Variants in PSG7 observed in about 807,000 individuals in gnomAD.
The protein encoded by PSG7 is pregnancy-specific beta-1-glycoprotein 7.
In PSG7, 57 loss-of-function variants were observed where a neutral mutation model predicts 45.6. The observed-to-expected ratio is 1.25, with a 90% confidence interval of 1.01 to 1.56. The LOEUF (loss-of-function observed/expected upper bound fraction) is 1.56, where lower values mean the gene tolerates loss of function less well. Ranked by LOEUF, PSG7 falls within the 40% of genes most tolerant of loss-of-function variation. PSG7 has a pLI of 0.00. For missense variants in PSG7, 796 were observed against 508.4 expected (o/e 1.57, Z -5.44); for synonymous variants, 298 against 194.4 (o/e 1.53, Z -4.43).
At chr19:42,936,872 C>T in intron 1 of PSG7, 141 bp downstream of exon 1, 1 of 1,310,654 alleles carries the variant, frequency 7.6e-7, no homozygotes, top group Non-Finnish European at 1.1e-6. Flanking sequence ...TGATCTTGAA[C>T]TCCTGATCTC....
intron 2 of PSG7, among the ~76,000 whole-genome samples, chr19:42,933,116 T>G (rs1035421112): frequency 1.3e-5 from 2 of 148,542 alleles, no homozygotes; most frequent in African/African-American, 5.0e-5. Context: ...GCAGTACTCA[T>G]TTTTTAGTCC....
intron 2 of PSG7, among the ~76,000 whole-genome samples, chr19:42,934,083 C>T (rs561484986): frequency 1.9e-4 from 29 of 151,492 alleles, no homozygotes; most frequent in African/African-American, 3.4e-4. Flanking sequence ...TGTGCTGGTG[C>T]AGGGTGTGAG....
intron 5 of PSG7, chr19:42,925,282 T>A (rs1287075680): frequency 1.9e-5 from 6 of 309,360 alleles, no homozygotes; most frequent in Admixed American, 9.8e-5. Context: ...GTTACTCTGT[T>A]TGTGCAAATA....
Position 42,935,541 on chromosome 19 carries a change from C to T in PSG7, c.293G>A (p.Arg98Gln). 1 of 1,612,110 alleles carries T rather than the reference C, an allele frequency of 6.2e-7. No individual in the cohort carries two copies. Among genetic ancestry groups the T allele is most frequent in the Non-Finnish European group, 8.5e-7 (1 of 1,179,040 alleles). Residue 98 changes from arginine to glutamine, a missense_variant, in exon 2 of 6, where the codon CGA (arginine) becomes CAA (glutamine). Transcript: ENST00000406070. Reference sequence around the variant, plus strand: ...GGATGCATTGGAATATACTGTTTCTCGTCCACTGTATGCAGGCCCATATTT... The same window carrying T: ...GGATGCATTGGAATATACTGTTTCTTGTCCACTGTATGCAGGCCCATATTT... The part of the protein sequence containing the change: ...IIKYGPAYSG[R>Q]ETVYSNASLL...
In PSG7 at chr19:42,924,842, A is replaced by G. The variant is rs1555743380; in HGVS notation, c.1244-18T>C. The G allele has an allele frequency of 1.3e-6, 1 of 762,774 alleles. No homozygotes were observed. Among genetic ancestry groups the G allele is most frequent in the Admixed American group, 1.7e-5 (1 of 58,086 alleles). 47.3% of individuals were successfully genotyped at this position (762,774 alleles called of 1,614,324 possible). ...TGTCCAGTCTACAGTGGATAATAAA[A>G]ACACAGAAACAATGAACAGAGCTGC... On this transcript the variant is annotated intron_variant, in intron 5 of 5. Coordinates refer to ENST00000406070, the MANE Select transcript of PSG7 (RefSeq NM_002783.3).
chr19:42,926,052 A>T (rs764417109), intron 4 of PSG7, 25 bp from the exon 5 acceptor site: 7 of 1,607,294 alleles, frequency 4.4e-6, no homozygotes, highest in Non-Finnish European at 6.0e-6. Flanking sequence ...ATAAAGCCAC[A>T]GGTGATGTTA....
At chr19:42,934,841 C>T (rs1973110111) in intron 2 of PSG7, among the ~76,000 whole-genome samples, 1 of 151,688 alleles carries the variant, frequency 6.6e-6, no homozygotes, top group African/African-American at 2.4e-5. Flanking sequence ...TCTGTCCTTG[C>T]CCAGATGAGG....
In PSG7 at chr19:42,925,850, C is replaced by G. The variant is rs1486012825; in HGVS notation, c.1166G>C (p.Ser389Thr). Residue 389 changes from serine (S) to threonine (T), a missense_variant, in exon 5 of 6, where the codon AGC (serine) becomes ACC (threonine). Coordinates refer to ENST00000406070, the MANE Select transcript of PSG7 (RefSeq NM_002783.3). ...ACGAACAGAGCAAGCATAGAGCCCG[C>G]TATGCTTTGTAGTAATCTGGGGGAT... The part of the protein sequence containing the change: ...LSIPQITTKH[S>T]GLYACSVRNS... 4 of 1,612,016 alleles carry G rather than the reference C, an allele frequency of 2.5e-6. 1 individual carries two copies. The highest frequency in any genetic ancestry group is 3.4e-6 in the Non-Finnish European group (4 of 1,179,034).
chr19:42,933,296 TATATATATATA>T lies in PSG7; in HGVS notation c.430+2097_430+2107del, dbSNP rs1437773820. On this transcript the variant is annotated intron_variant, in intron 2 of 5. Transcript: ENST00000406070. ...ATATATATATATATATATATATATA[TATATATATATA>T]TTTTTTTTTTTTTTTGGTGTATGTA... Among the ~76,000 whole-genome samples the T allele has an allele frequency of 2.9e-3, 47 of 16,442 alleles. 5 individuals are homozygous for T. The highest frequency in any genetic ancestry group is 6.2e-3 in the South Asian group (2 of 324). The allele number at this position is 16,442 out of a possible 152,430, so 10.8% of individuals were successfully genotyped here.
chr19:42,925,959 A>G lies in PSG7; in HGVS notation c.1057T>C (p.Ser353Pro), dbSNP rs1182482635. The change falls in exon 5 of 6, where the codon TCC becomes CCC. Residue 353 changes from serine (S) to proline (P), a missense_variant. Ser to Pro is a moderately conservative substitution (Grantham distance 74). Transcript: ENST00000406070. ...YYHSGQNLYL[S>P]CFADSNPPAQ... ...GGTGGGTTAGAGTCCGCAAAGCAGG[A>G]CAAGTAGAGGTTTTGTCCTGAATGG... 6.2e-7 allele frequency: 1 copy of G among 1,612,288 alleles called. No homozygotes were observed. Among genetic ancestry groups the G allele is most frequent in the Admixed American group, 1.7e-5 (1 of 59,892 alleles).
At chr19:42,929,299 C>T (rs1465443566) in intron 3 of PSG7, 143 bp downstream of exon 3, 3 of 1,557,060 alleles carry the variant, frequency 1.9e-6, no homozygotes, top group Admixed American at 3.6e-5. Context: ...TCTGGTTTGC[C>T]TGGGGCAGGA....
intron 2 of PSG7, among the ~76,000 whole-genome samples, chr19:42,933,285 ATATATATATATATATATATATATTT>A (rs1170196475): frequency 0.019 from 153 of 8,218 alleles, 18 homozygotes; most frequent in South Asian, 0.17. Context: ...ATATATATAT[ATATATATATATATATATATATATTT>A]TTTTTTTTTT....
At chr19:42,932,217 G>C (rs1223223972) in intron 2 of PSG7, among the ~76,000 whole-genome samples, 2 of 151,168 alleles carry the variant, frequency 1.3e-5, no homozygotes, top group African/African-American at 4.9e-5. Context: ...TAGAGACGGG[G>C]TTTCACCATG....
chr19:42,929,142 C>G (rs375551367), intron 3 of PSG7: 1 of 557,644 alleles, frequency 1.8e-6, no homozygotes, highest in Admixed American at 3.5e-5. Context: ...CAAGTCGCAA[C>G]ACTGAAGTCC....
chr19:42,933,838 C>CA (rs1555745337), intron 2 of PSG7, among the ~76,000 whole-genome samples: 1 of 151,114 alleles, frequency 6.6e-6, no homozygotes, highest in Non-Finnish European at 1.5e-5. Context: ...GAGAACCCTC[C>CA]GTGGCCAAAG....
chr19:42,925,340 C>T (rs747017681), intron 5 of PSG7: 1 of 366,894 alleles, frequency 2.7e-6, no homozygotes, highest in Non-Finnish European at 4.9e-6. Context: ...TTGCCCAATT[C>T]TGGGGCATTC....
intron 3 of PSG7, 97 bp downstream of exon 3, chr19:42,929,345 C>G: frequency 1.9e-6 from 3 of 1,603,686 alleles, no homozygotes; most frequent in Non-Finnish European, 2.6e-6. Flanking sequence ...GGGTAAAGGT[C>G]TACATACTTG....
chr19:42,935,849 G>A (rs1973139750), intron 1 of PSG7, 80 bp from the exon 2 acceptor site: 1 of 1,480,660 alleles, frequency 6.8e-7, no homozygotes, highest in Non-Finnish European at 9.0e-7. Flanking sequence ...TCCTGAGAAG[G>A]TCTCTTCAAT....
intron 3 of PSG7, chr19:42,927,158 G>C (rs1012832652): frequency 1.9e-5 from 4 of 207,712 alleles, no homozygotes; most frequent in African/African-American, 9.1e-5. Context: ...CTAGAGATGA[G>C]TAATAATGGG....
Sources: allele counts gnomAD v4.1 joint callset (sites outside exome capture counted in the v4.1 genomes callset), GRCh38; gene constraint gnomAD v4.1.1; transcripts MANE v1.5; gene names NCBI Gene and HGNC (gene_info 2026-07-23, HGNC 2026-07-21).